GRID1: variants seen among roughly 807,000 people sequenced by gnomAD.
GRID1 encodes the protein glutamate ionotropic receptor delta type subunit 1.
A neutral mutation model predicts 98.0 loss-of-function variants in GRID1; 28 were observed. That is an observed-to-expected ratio of 0.29 (90% confidence interval 0.21 to 0.39). The LOEUF is 0.39. GRID1 is among the 10% of genes least tolerant of loss of function. The pLI is 1.00. For synonymous variants in GRID1, 553 were observed against 538.5 expected (o/e 1.03, Z -0.37); for missense variants, 1,111 against 1,340.5 (o/e 0.83, Z 2.67).
chr10:86,340,406 G>A (rs926253946), intron 2 of GRID1, among the ~76,000 whole-genome samples: 2 of 152,212 alleles, frequency 1.3e-5, no homozygotes, highest in Non-Finnish European at 2.9e-5. Flanking sequence ...GATCTGACCA[G>A]ACTGCAGAGC....
chr10:86,013,888 G>T (rs1842948984), intron 4 of GRID1, among the ~76,000 whole-genome samples: 1 of 152,198 alleles, frequency 6.6e-6, no homozygotes, highest in African/African-American at 2.4e-5. Flanking sequence ...GAAGCTCAGT[G>T]CTGTATGGTT....
intron 4 of GRID1, among the ~76,000 whole-genome samples, chr10:86,033,337 G>A (rs1843212501): frequency 6.7e-6 from 1 of 149,910 alleles, no homozygotes; most frequent in South Asian, 2.2e-4. Flanking sequence ...GCCCGGCTTG[G>A]TACGCTCCTC....
chr10:85,971,027 C>T (rs565519759), intron 4 of GRID1, among the ~76,000 whole-genome samples: 3 of 151,440 alleles, frequency 2.0e-5, no homozygotes, highest in South Asian at 2.1e-4. Context: ...AAAATCAACT[C>T]TATTTCTATA....
chr10:86,139,974 A>T (rs1844988088), intron 3 of GRID1, among the ~76,000 whole-genome samples: 1 of 152,240 alleles, frequency 6.6e-6, no homozygotes. Context: ...CATGCCCAGG[A>T]ACAGAGGCAG....
intron 3 of GRID1, among the ~76,000 whole-genome samples, chr10:86,175,737 T>G (rs1384140765): frequency 6.6e-6 from 1 of 152,072 alleles, no homozygotes; most frequent in African/African-American, 2.4e-5. Context: ...GAGACAGAGT[T>G]TCACTCTTGT....
Position 85,802,613 on chromosome 10 carries a change from A to G in GRID1, c.1233+51883T>C, listed in dbSNP as rs1044210278. On this transcript the variant is annotated intron_variant, in intron 8 of 15. Transcript: ENST00000327946. ...TCAGATCTTATCTTTAAAAGGAAAA[A>G]AAATTAAATTTTAATAGGAAGAACT... Among the ~76,000 whole-genome samples the G allele has an allele frequency of 1.2e-4, 19 of 152,220 alleles. No homozygotes were observed. In the East Asian group the frequency reaches 3.7e-3, roughly 29 times the overall value.
At chr10:86,134,749 T>G (rs948669875) in intron 4 of GRID1, among the ~76,000 whole-genome samples, 1 of 152,140 alleles carries the variant, frequency 6.6e-6, no homozygotes, top group African/African-American at 2.4e-5. Context: ...TAGTGCAAGT[T>G]CATTCCTACA....
At chr10:85,731,799 C>CA (rs554781772) in intron 8 of GRID1, among the ~76,000 whole-genome samples, 24,781 of 62,072 alleles carry the variant, frequency 0.4, 2,983 homozygotes, top group African/African-American at 0.45. Context: ...GAGACCCTGA[C>CA]AAAAAAAAAA....
intron 4 of GRID1, among the ~76,000 whole-genome samples, chr10:86,103,649 C>G (rs1844334121): frequency 6.6e-6 from 1 of 152,206 alleles, no homozygotes; most frequent in Admixed American, 6.5e-5. Flanking sequence ...GGCTCCCCTT[C>G]ATTCCACAGC....
At chr10:85,706,648 T>G (rs1014079784) in intron 12 of GRID1, among the ~76,000 whole-genome samples, 1 of 152,068 alleles carries the variant, frequency 6.6e-6, no homozygotes, top group East Asian at 1.9e-4. Context: ...GAGCCCGCAT[T>G]GCCAAGTCAA....
chr10:86,109,818 G>A (rs1049674038), intron 4 of GRID1, among the ~76,000 whole-genome samples: 1 of 152,154 alleles, frequency 6.6e-6, no homozygotes, highest in African/African-American at 2.4e-5. Flanking sequence ...GAACTCTAGA[G>A]GAAGATGGCT....
chr10:86,150,407 T>A (rs1447978957), intron 3 of GRID1, among the ~76,000 whole-genome samples: 1 of 152,238 alleles, frequency 6.6e-6, no homozygotes, highest in African/African-American at 2.4e-5. Context: ...CACAGAGGAA[T>A]GACCCACATC....
At chr10:85,977,725 G>A (rs776294902) in intron 4 of GRID1, among the ~76,000 whole-genome samples, 2 of 152,140 alleles carry the variant, frequency 1.3e-5, no homozygotes, top group Non-Finnish European at 2.9e-5. Flanking sequence ...TAGATCACAA[G>A]TCCCTATTTC....
At chr10:85,922,175 A>T (rs975999783) in intron 4 of GRID1, among the ~76,000 whole-genome samples, 1 of 152,222 alleles carries the variant, frequency 6.6e-6, no homozygotes, top group Non-Finnish European at 1.5e-5. Flanking sequence ...TGGCCCCGTA[A>T]CAATGGGAAC....
intron 14 of GRID1, among the ~76,000 whole-genome samples, chr10:85,615,942 CA>C (rs1214035215): frequency 1.3e-5 from 2 of 152,208 alleles, no homozygotes; most frequent in African/African-American, 4.8e-5. Flanking sequence ...GATATCCATT[CA>C]AATCCAGGCT....
chr10:86,041,914 C>CT (rs1421498524), intron 4 of GRID1, among the ~76,000 whole-genome samples: 2 of 152,202 alleles, frequency 1.3e-5, no homozygotes, highest in Non-Finnish European at 2.9e-5. Flanking sequence ...CTGCCTGCTA[C>CT]TGAGGACCCT....
At chr10:86,237,856 ACTT>A (rs1183774400) in intron 2 of GRID1, among the ~76,000 whole-genome samples, 1 of 152,118 alleles carries the variant, frequency 6.6e-6, no homozygotes, top group Non-Finnish European at 1.5e-5. Flanking sequence ...AGTCAATTAA[ACTT>A]CTTTTCTTTA....
At chr10:86,272,908 T>A (rs1192212975) in intron 2 of GRID1, among the ~76,000 whole-genome samples, 1 of 152,128 alleles carries the variant, frequency 6.6e-6, no homozygotes, top group Non-Finnish European at 1.5e-5. Flanking sequence ...GTTTGTTTGT[T>A]TTTGTTTTTT....
chr10:85,697,659 T>G (rs1306859164), intron 12 of GRID1, among the ~76,000 whole-genome samples: 1 of 152,164 alleles, frequency 6.6e-6, no homozygotes, highest in African/African-American at 2.4e-5. Flanking sequence ...GTCCCATTAA[T>G]ATGAACCACC....
Sources: allele counts gnomAD v4.1 joint callset (sites outside exome capture counted in the v4.1 genomes callset), GRCh38; gene constraint gnomAD v4.1.1; transcripts MANE v1.5; gene names NCBI Gene and HGNC (gene_info 2026-07-23, HGNC 2026-07-21).